COL23A1: variants seen among roughly 807,000 people sequenced by gnomAD.
COL23A1 encodes collagen type XXIII alpha 1 chain.
A neutral mutation model predicts 99.3 loss-of-function variants in COL23A1; 97 were observed. The ratio of observed to expected loss-of-function variants is 0.98; its 90% CI spans 0.83 to 1.16. The LOEUF is 1.16. COL23A1 is among the 50% of genes most tolerant of loss of function. The pLI is 0.00. For synonymous variants in COL23A1, 320 were observed against 308.2 expected, an observed-to-expected ratio of 1.04 and a Z score of -0.40; for missense variants, 762 against 757.4, an observed-to-expected ratio of 1.01 and a Z score of -0.07.
At chr5:178,562,552 C>T (rs1023428560) in intron 1 of COL23A1, 2 of 108,612 alleles carry the variant, frequency 1.8e-5, no homozygotes, top group African/African-American at 7.7e-5. Flanking sequence ...GACTCCGTCT[C>T]AAATAAAAAA....
intron 2 of COL23A1, among the ~76,000 whole-genome samples, chr5:178,465,260 G>T (rs1756351708): frequency 6.6e-6 from 1 of 152,142 alleles, no homozygotes; most frequent in African/African-American, 2.4e-5. Flanking sequence ...AGAGGCTGGG[G>T]GTTCGGAGAT....
intron 13 of COL23A1, 56 bp from the exon 14 acceptor site, chr5:178,256,984 C>G: frequency 6.4e-7 from 1 of 1,556,994 alleles, no homozygotes; most frequent in Non-Finnish European, 8.8e-7. Context: ...TGGCGGGTGC[C>G]TTGGAGGGGG....
At chr5:178,320,252 C>T (rs994285421) in intron 2 of COL23A1, among the ~76,000 whole-genome samples, 10 of 152,366 alleles carry the variant, frequency 6.6e-5, no homozygotes, top group Admixed American at 4.6e-4. Flanking sequence ...TACGCTGGCT[C>T]GTGGCTGCAG....
intron 2 of COL23A1, among the ~76,000 whole-genome samples, chr5:178,336,646 C>T (rs994337192): frequency 6.6e-6 from 1 of 152,168 alleles, no homozygotes; most frequent in African/African-American, 2.4e-5. Context: ...GAACGAGATA[C>T]AAGTGACGGT....
intron 2 of COL23A1, among the ~76,000 whole-genome samples, chr5:178,354,112 A>G (rs1761488653): frequency 6.6e-6 from 1 of 151,662 alleles, no homozygotes. Context: ...GACTTTTCCC[A>G]CTGGATACTG....
intron 2 of COL23A1, among the ~76,000 whole-genome samples, chr5:178,560,139 C>T (rs1762484020): frequency 6.6e-6 from 1 of 152,248 alleles, no homozygotes; most frequent in Admixed American, 6.5e-5. Context: ...TTCCTGGTTT[C>T]ATTCACAGCC....
At chr5:178,441,154 T>C (rs944678122) in intron 2 of COL23A1, among the ~76,000 whole-genome samples, 2 of 152,148 alleles carry the variant, frequency 1.3e-5, no homozygotes, top group African/African-American at 2.4e-5. Context: ...TTTGCAAGCA[T>C]GTTGATTAAA....
intron 2 of COL23A1, among the ~76,000 whole-genome samples, chr5:178,466,641 C>T (rs546815396): frequency 6.6e-6 from 1 of 152,382 alleles, no homozygotes; most frequent in African/African-American, 2.4e-5. Context: ...GTCCCTGCTG[C>T]TGCGGGGGAT....
intron 2 of COL23A1, among the ~76,000 whole-genome samples, chr5:178,496,987 T>C (rs1758231529): frequency 6.6e-6 from 1 of 152,184 alleles, no homozygotes; most frequent in Non-Finnish European, 1.5e-5. Flanking sequence ...AGGATCCTTG[T>C]CCTCCTGAGA....
rs1183479306 is a variant in COL23A1, at chr5:178,307,679, C to T, written c.362-760G>A. On this transcript the variant is annotated intron_variant, in intron 2 of 28. Coordinates refer to ENST00000390654, the MANE Select transcript of COL23A1 (RefSeq NM_173465.4). The surrounding 1 kb of genome is among the most constrained non-coding windows in gnomAD (Gnocchi z 4.2). Reference sequence around the variant, plus strand: ...TGGCCGTGGGAGCAGAGGTCTGAGGCCTCCCTCTCCCTCCCCTCACCTCTG... The same window carrying T: ...TGGCCGTGGGAGCAGAGGTCTGAGGTCTCCCTCTCCCTCCCCTCACCTCTG... Among the ~76,000 whole-genome samples the T allele has an allele frequency of 1.3e-5, 2 of 152,232 alleles. No individual in the cohort carries two copies. Among genetic ancestry groups the T allele is most frequent in the African/African-American group, 4.8e-5 (2 of 41,456 alleles).
At chr5:178,378,610 G>A (rs897227061) in intron 2 of COL23A1, among the ~76,000 whole-genome samples, 5 of 152,192 alleles carry the variant, frequency 3.3e-5, no homozygotes, top group Non-Finnish European at 5.9e-5. Flanking sequence ...AAGTTCCCCC[G>A]CAGAGGCGAC....
chr5:178,517,839 C>T (rs1246960625), intron 2 of COL23A1, among the ~76,000 whole-genome samples: 2 of 143,064 alleles, frequency 1.4e-5, no homozygotes, highest in Non-Finnish European at 3.0e-5. Flanking sequence ...GGATTACAGG[C>T]GTGAGCCGCC....
At chr5:178,515,934 G>A (rs937753532) in intron 2 of COL23A1, among the ~76,000 whole-genome samples, 3 of 151,936 alleles carry the variant, frequency 2.0e-5, no homozygotes, top group African/African-American at 4.8e-5. Context: ...CCGGGCCTTC[G>A]CCACCCTGCC....
chr5:178,399,495 G>T (rs547066210), intron 2 of COL23A1, among the ~76,000 whole-genome samples: 1 of 152,220 alleles, frequency 6.6e-6, no homozygotes, highest in Non-Finnish European at 1.5e-5. Context: ...GGGCCACCTT[G>T]TTGAGCCGAT....
At chr5:178,264,021 G>A (rs1765776504) in intron 8 of COL23A1, among the ~76,000 whole-genome samples, 1 of 152,186 alleles carries the variant, frequency 6.6e-6, no homozygotes, top group African/African-American at 2.4e-5. Context: ...TGAAGAGATG[G>A]AGAGCCCATA....
intron 2 of COL23A1, among the ~76,000 whole-genome samples, chr5:178,433,241 G>A (rs907902036): frequency 4.0e-5 from 6 of 151,620 alleles, no homozygotes; most frequent in East Asian, 1.9e-4. Flanking sequence ...GGGCTCCCAC[G>A]ACCGCCTCCT....
chr5:178,564,826 A>G (rs1463656330), intron 1 of COL23A1, among the ~76,000 whole-genome samples: 1 of 152,238 alleles, frequency 6.6e-6, no homozygotes, highest in African/African-American at 2.4e-5. Flanking sequence ...CTGAGGAAAT[A>G]CAGATTGACA....
intron 2 of COL23A1, among the ~76,000 whole-genome samples, chr5:178,399,176 T>C (rs1263786037): frequency 1.3e-5 from 2 of 151,862 alleles, no homozygotes; most frequent in South Asian, 4.2e-4. Flanking sequence ...TGACATGGAG[T>C]GTGGTGTTTC....
At chr5:178,358,610 CGTGTATGTATGT>C (rs1263031454) in intron 2 of COL23A1, among the ~76,000 whole-genome samples, 3 of 109,614 alleles carry the variant, frequency 2.7e-5, no homozygotes, top group South Asian at 3.2e-4. Flanking sequence ...TGTGTGTATG[CGTGTATGTATGT>C]GTGTATGTGT....
Sources: allele counts gnomAD v4.1 joint callset (sites outside exome capture counted in the v4.1 genomes callset), GRCh38; gene constraint gnomAD v4.1.1; non-coding constraint Gnocchi (gnomAD v3.1); transcripts MANE v1.5; gene names NCBI Gene and HGNC (gene_info 2026-07-23, HGNC 2026-07-21).